Variants in EPB41L3 observed in about 807,000 individuals in gnomAD.
EPB41L3 encodes the protein band 4.1-like protein 3.
EPB41L3 carries 57 observed loss-of-function variants against 127.1 expected under a neutral mutation model. That is an observed-to-expected ratio of 0.45 (90% CI 0.36 to 0.56). The LOEUF is 0.56. EPB41L3 is among the 20% of genes least tolerant of loss of function. EPB41L3 has a pLI of 0.00. For synonymous variants in EPB41L3, 572 were observed against 549.5 expected, an observed-to-expected ratio of 1.04 and a Z score of -0.57; for missense variants, 1,273 against 1,372.2, an observed-to-expected ratio of 0.93 and a Z score of 1.14.
intron 2 of EPB41L3, among the ~76,000 whole-genome samples, chr18:5,484,285 A>G (rs2089302939): frequency 6.6e-6 from 1 of 151,438 alleles, no homozygotes; most frequent in African/African-American, 2.4e-5. Context: ...AAAAAAAATT[A>G]TCAAAACACA....
chr18:5,464,419 G>C (rs142361947), intron 3 of EPB41L3, among the ~76,000 whole-genome samples: 1 of 152,242 alleles, frequency 6.6e-6, no homozygotes, highest in African/African-American at 2.4e-5. Context: ...CATCAGCCCT[G>C]TTTCAAAATC....
intron 1 of EPB41L3, among the ~76,000 whole-genome samples, chr18:5,537,775 C>T (rs1163234111): frequency 1.3e-5 from 2 of 152,134 alleles, no homozygotes; most frequent in African/African-American, 4.8e-5. Context: ...TTGAGAGTCT[C>T]TATCAAAATC....
At chr18:5,534,480 A>C (rs2093510286) in intron 1 of EPB41L3, among the ~76,000 whole-genome samples, 1 of 152,214 alleles carries the variant, frequency 6.6e-6, no homozygotes, top group African/African-American at 2.4e-5. Context: ...TTGGTCCCCA[A>C]AAATTCCTTT....
At chr18:5,617,320 ATTT>A (rs5822868) in intron 1 of EPB41L3, among the ~76,000 whole-genome samples, 3 of 125,554 alleles carry the variant, frequency 2.4e-5, no homozygotes, top group Admixed American at 8.3e-5. Flanking sequence ...TATTATTATT[ATTT>A]TTTTTTTTTT....
At chr18:5,538,747 T>TG (rs1292681287) in intron 1 of EPB41L3, among the ~76,000 whole-genome samples, 8 of 152,168 alleles carry the variant, frequency 5.3e-5, no homozygotes, top group Non-Finnish European at 1.0e-4. Flanking sequence ...CAATTAGAGC[T>TG]GGCAGGAAAG....
intron 3 of EPB41L3, among the ~76,000 whole-genome samples, chr18:5,462,364 C>T (rs951150375): frequency 1.3e-5 from 2 of 152,114 alleles, no homozygotes; most frequent in Admixed American, 1.3e-4. Context: ...AAAGAAGGCA[C>T]AAGAATCAAT....
At chr18:5,606,352 A>G (rs1349452451) in intron 3 of EPB41L3, among the ~76,000 whole-genome samples, 1 of 152,220 alleles carries the variant, frequency 6.6e-6, no homozygotes, top group Admixed American at 6.5e-5. Context: ...TTTCAGAAGA[A>G]AAATTATCAA....
intron 18 of EPB41L3, among the ~76,000 whole-genome samples, chr18:5,396,838 A>G (rs963133566): frequency 6.6e-6 from 1 of 152,148 alleles, no homozygotes; most frequent in African/African-American, 2.4e-5. Context: ...CTGGTGCCAT[A>G]TTATTAATAA....
chr18:5,569,476 C>G (rs2094249105), intron 3 of EPB41L3, among the ~76,000 whole-genome samples: 1 of 152,052 alleles, frequency 6.6e-6, no homozygotes, highest in South Asian at 2.1e-4. Context: ...GAATGAGCAG[C>G]CACATGAGTG....
intron 3 of EPB41L3, among the ~76,000 whole-genome samples, chr18:5,566,538 A>C (rs1217220985): frequency 6.6e-6 from 1 of 152,176 alleles, no homozygotes; most frequent in Non-Finnish European, 1.5e-5. Flanking sequence ...CATACTGCCC[A>C]AGGTAATTTA....
chr18:5,414,701 G>A (rs532481061), intron 13 of EPB41L3, among the ~76,000 whole-genome samples: 6 of 152,250 alleles, frequency 3.9e-5, no homozygotes, highest in Admixed American at 2.0e-4. Context: ...GGAGGGGCGC[G>A]CATGACAGCA....
chr18:5,627,290 A>G (rs1400620266), intron 1 of EPB41L3, among the ~76,000 whole-genome samples: 2 of 152,318 alleles, frequency 1.3e-5, no homozygotes, highest in East Asian at 1.9e-4. Context: ...ATATGGGCAG[A>G]TGTGAACCAT....
At chr18:5,590,885 TCAGTGGCTGC>T (rs1201263825) in intron 3 of EPB41L3, among the ~76,000 whole-genome samples, 1 of 152,004 alleles carries the variant, frequency 6.6e-6, no homozygotes, top group African/African-American at 2.4e-5. Context: ...GGAGAAGAGA[TCAGTGGCTGC>T]CAGAGGCTGG....
At chr18:5,620,952 G>A (rs900237629) in intron 1 of EPB41L3, among the ~76,000 whole-genome samples, 2 of 151,984 alleles carry the variant, frequency 1.3e-5, no homozygotes, top group Non-Finnish European at 2.9e-5. Context: ...TTGCCTATTT[G>A]ATCAATTTTA....
rs76877083 is a variant in EPB41L3 at position 5,436,986 on chromosome 18, A to G, written c.605+1049T>C. Among the ~76,000 whole-genome samples, 2,259 of 152,302 alleles carry G rather than the reference A, an allele frequency of 0.015. 101 individuals carry two copies. In the East Asian group the frequency reaches 0.17, roughly 11 times the overall value. ...CCTCCAAAAAGAATGCAAAGCTTACACAGAAAATTCTGCATACACTGCACA... is the reference window on the plus strand; with the variant it reads ...CCTCCAAAAAGAATGCAAAGCTTACGCAGAAAATTCTGCATACACTGCACA... On this transcript the variant is annotated intron_variant, in intron 6 of 22. Transcript: ENST00000341928.
chr18:5,600,300 G>T (rs2094577122), intron 3 of EPB41L3, among the ~76,000 whole-genome samples: 1 of 152,068 alleles, frequency 6.6e-6, no homozygotes, highest in South Asian at 2.1e-4. Flanking sequence ...ACAGGCAAAG[G>T]TAATGTTTAC....
intron 1 of EPB41L3, among the ~76,000 whole-genome samples, chr18:5,526,994 T>C (rs1300155751): frequency 2.8e-5 from 4 of 143,360 alleles, no homozygotes; most frequent in Non-Finnish European, 6.0e-5. Flanking sequence ...TACAAGACAA[T>C]AGAATATTCA....
At chr18:5,506,899 G>C (rs1370833084) in intron 1 of EPB41L3, among the ~76,000 whole-genome samples, 1 of 152,056 alleles carries the variant, frequency 6.6e-6, no homozygotes, top group Non-Finnish European at 1.5e-5. Context: ...GGTAATTTCT[G>C]GGCAAAATGA....
intron 15 of EPB41L3, 35 bp from the exon 16 acceptor site, chr18:5,407,003 G>A (rs770909034): frequency 1.2e-5 from 19 of 1,576,766 alleles, no homozygotes; most frequent in East Asian, 4.5e-5. Flanking sequence ...AACAGTCAAT[G>A]TTTTACATTT....
Sources: allele counts gnomAD v4.1 joint callset (sites outside exome capture counted in the v4.1 genomes callset), GRCh38; gene constraint gnomAD v4.1.1; transcripts MANE v1.5; gene names NCBI Gene and HGNC (gene_info 2026-07-23, HGNC 2026-07-21).